Variants in CD96 observed in about 807,000 individuals in gnomAD.
The protein encoded by CD96 is CD96 molecule, also known as T-cell surface protein tactile.
In CD96, 70 loss-of-function variants were observed where a neutral mutation model predicts 71.3. That is an observed-to-expected ratio of 0.98 (90% confidence interval 0.81 to 1.20). The LOEUF is 1.20. Ranked by LOEUF, CD96 falls within the 50% of genes most tolerant of loss-of-function variation. CD96 has a pLI of 0.00. For missense variants in CD96, 742 were observed against 677.5 expected, an observed-to-expected ratio of 1.10 and a Z score of -1.06; for synonymous variants, 248 against 233.0, an observed-to-expected ratio of 1.06 and a Z score of -0.59.
intron 8 of CD96, among the ~76,000 whole-genome samples, chr3:111,622,548 C>A (rs1576402276): frequency 6.6e-6 from 1 of 152,118 alleles, no homozygotes; most frequent in South Asian, 2.1e-4. Context: ...AACCACAATG[C>A]CAACTTATTC....
chr3:111,553,662 G>C (rs1033710368), intron 2 of CD96, among the ~76,000 whole-genome samples: 1 of 151,710 alleles, frequency 6.6e-6, no homozygotes, highest in Non-Finnish European at 1.5e-5. Flanking sequence ...TTGATGTATA[G>C]TTTGTATAAG....
chr3:111,632,625 C>A (rs551237745), intron 10 of CD96, among the ~76,000 whole-genome samples: 1 of 152,244 alleles, frequency 6.6e-6, no homozygotes, highest in East Asian at 1.9e-4. Context: ...TGAGTGTATA[C>A]CCAAAGGAAT....
At chr3:111,628,078 G>GA (rs1270633514) in intron 10 of CD96, among the ~76,000 whole-genome samples, 1 of 151,088 alleles carries the variant, frequency 6.6e-6, no homozygotes. Flanking sequence ...TTTAAAAAAA[G>GA]AAAAAGAAAA....
intron 4 of CD96, among the ~76,000 whole-genome samples, chr3:111,584,047 C>T (rs1936590366): frequency 6.6e-6 from 1 of 152,226 alleles, no homozygotes; most frequent in African/African-American, 2.4e-5. Flanking sequence ...CCTTATAAAA[C>T]TGAGTGCCTT....
intron 3 of CD96, among the ~76,000 whole-genome samples, chr3:111,571,486 C>T (rs1935983764): frequency 1.3e-5 from 2 of 151,710 alleles, no homozygotes; most frequent in South Asian, 4.2e-4. Flanking sequence ...TTTAAAGAAA[C>T]TAAGAAGGCC....
intron 5 of CD96, chr3:111,595,280 A>T (rs1387694603): frequency 2.0e-5 from 3 of 152,170 alleles, no homozygotes; most frequent in African/African-American, 7.2e-5. Flanking sequence ...AATTCCCCCC[A>T]GCCACAAGTG....
intron 10 of CD96, chr3:111,633,949 C>A (rs1939200584): frequency 6.6e-6 from 1 of 152,660 alleles, no homozygotes; most frequent in African/African-American, 2.4e-5. Context: ...AGTTGCTCAT[C>A]AAAAGTCTGC....
chr3:111,657,438 G>T (rs1240175910), intron 14 of CD96, among the ~76,000 whole-genome samples: 1 of 151,168 alleles, frequency 6.6e-6, no homozygotes, highest in East Asian at 2.0e-4. Flanking sequence ...CCTAATTCAA[G>T]TAGCTAGGAA....
At chr3:111,602,496 CAATT>C (rs764956346) in intron 7 of CD96, among the ~76,000 whole-genome samples, 19 of 151,988 alleles carry the variant, frequency 1.3e-4, no homozygotes, top group Non-Finnish European at 2.6e-4. Context: ...ATATTAAAGA[CAATT>C]AATCTTTAGG....
chr3:111,636,162 GACCCCAAATGGAAATAGCT>G (rs933882421), intron 10 of CD96, among the ~76,000 whole-genome samples: 8 of 152,226 alleles, frequency 5.3e-5, no homozygotes, highest in African/African-American at 1.7e-4. Flanking sequence ...CTTCTCAGGT[GACCCCAAATGGAAATAGCT>G]ATGACAAATT....
At chr3:111,586,762 T>C (rs1936733212) in intron 5 of CD96, among the ~76,000 whole-genome samples, 1 of 152,140 alleles carries the variant, frequency 6.6e-6, no homozygotes, top group Non-Finnish European at 1.5e-5. Flanking sequence ...AAAGTCCCCA[T>C]GCTTCAATTA....
At chr3:111,606,868 C>G (rs778367444) in intron 8 of CD96, 76 bp downstream of exon 8, 7 of 882,628 alleles carry the variant, frequency 7.9e-6, no homozygotes, top group Middle Eastern at 2.2e-4. Flanking sequence ...AAACTTGCAT[C>G]ATTCATGCCT....
rs1188554721 is a variant in CD96, at chr3:111,643,320, G to A, written c.1478-4223G>A. Among the ~76,000 whole-genome samples, 4 of 151,886 alleles carry A rather than the reference G, an allele frequency of 2.6e-5. No homozygotes were observed. The South Asian group carries it at 8.3e-4, about 32-fold the overall frequency. Reference sequence around the variant, plus strand: ...AAACTCAGCAAAATTGGCACACAAGGGACATACCTTAATGTAATAAAAACC... The same window carrying A: ...AAACTCAGCAAAATTGGCACACAAGAGACATACCTTAATGTAATAAAAACC... On this transcript the variant is annotated intron_variant, in intron 12 of 13. Coordinates refer to ENST00000352690, the MANE Select transcript of CD96 (RefSeq NM_005816.5).
At chr3:111,583,848 G>C (rs575703541) in intron 4 of CD96, among the ~76,000 whole-genome samples, 127 of 152,348 alleles carry the variant, frequency 8.3e-4, no homozygotes, top group African/African-American at 3.0e-3. Flanking sequence ...CCTGTGATGG[G>C]AGGGGCTGCT....
intron 5 of CD96, among the ~76,000 whole-genome samples, chr3:111,589,141 G>T (rs1311518401): frequency 6.6e-6 from 1 of 151,690 alleles, no homozygotes; most frequent in Non-Finnish European, 1.5e-5. Context: ...TAGTAGAGAT[G>T]GGGTTTCACC....
downstream of CD96, among the ~76,000 whole-genome samples, chr3:111,655,613 T>G (rs747146615): frequency 2.4e-4 from 37 of 152,116 alleles, no homozygotes; most frequent in Non-Finnish European, 4.9e-4. Context: ...AAACATTACC[T>G]AAGGGTTATA....
At chr3:111,655,008 C>T (rs1305887699), downstream of CD96, among the ~76,000 whole-genome samples, 2 of 152,194 alleles carry the variant, frequency 1.3e-5, no homozygotes, top group Non-Finnish European at 2.9e-5. Context: ...GCTTAAATAT[C>T]TGTTAAGGCT....
intron 8 of CD96, among the ~76,000 whole-genome samples, chr3:111,614,301 G>A (rs543144999): frequency 6.6e-6 from 1 of 152,154 alleles, no homozygotes; most frequent in Admixed American, 6.5e-5. Flanking sequence ...GCTCCTAGCT[G>A]CTGGCTTGGG....
At chr3:111,606,594 T>C in intron 7 of CD96, 106 bp from the exon 8 acceptor site, 1 of 720,186 alleles carries the variant, frequency 1.4e-6, no homozygotes, top group Non-Finnish European at 2.5e-6. Flanking sequence ...TATTGATTTG[T>C]TACATGATGA....
Sources: gnomAD v4.1 joint callset for allele counts (sites outside exome capture counted in the v4.1 genomes callset) on GRCh38, gnomAD v4.1.1 for gene constraint, MANE v1.5 for transcripts, NCBI Gene and HGNC (gene_info 2026-07-23, HGNC 2026-07-21) for gene names.